TAFA1: variants seen among roughly 807,000 people sequenced by gnomAD.
The protein encoded by TAFA1 is chemokine-like protein TAFA-1.
In TAFA1, 4 loss-of-function variants were observed where a neutral mutation model predicts 18.5. The ratio of observed to expected loss-of-function variants is 0.22; its 90% CI spans 0.11 to 0.49. The LOEUF is 0.49. Ranked by LOEUF, TAFA1 falls within the 20% of genes least tolerant of loss-of-function variation. The pLI is 0.98. For synonymous variants in TAFA1, 56 were observed against 55.2 expected (o/e 1.01, Z -0.06); for missense variants, 147 against 169.0 (o/e 0.87, Z 0.72).
intron 2 of TAFA1, among the ~76,000 whole-genome samples, chr3:68,297,205 T>C (rs551801968): frequency 4.9e-4 from 75 of 152,322 alleles, no homozygotes; most frequent in African/African-American, 1.8e-3. Flanking sequence ...CTGTCACCAA[T>C]GGTGATCTTT....
intron 2 of TAFA1, among the ~76,000 whole-genome samples, chr3:68,119,012 TTTTCC>T (rs2065355911): frequency 2.6e-5 from 4 of 152,084 alleles, no homozygotes; most frequent in Non-Finnish European, 5.9e-5. Context: ...ATGACACAAT[TTTTCC>T]ACATCCTTGC....
chr3:68,141,258 G>A (rs114741187), intron 2 of TAFA1, among the ~76,000 whole-genome samples: 1,807 of 152,230 alleles, frequency 0.012, 39 homozygotes, highest in African/African-American at 0.042. Context: ...TGGCCCCTAT[G>A]TCTAAGGTGG....
intron 2 of TAFA1, among the ~76,000 whole-genome samples, chr3:68,295,613 A>T (rs2068193054): frequency 6.6e-6 from 1 of 151,634 alleles, no homozygotes; most frequent in Non-Finnish European, 1.5e-5. Flanking sequence ...GTTTTGTTTT[A>T]TTTTCTTTTT....
chr3:68,340,064 ATAAAT>A (rs1388434467), intron 2 of TAFA1, among the ~76,000 whole-genome samples: 1 of 152,216 alleles, frequency 6.6e-6, no homozygotes, highest in Non-Finnish European at 1.5e-5. Context: ...CATCAAAACA[ATAAAT>A]TAAGCTTAAG....
chr3:68,340,943 G>A (rs974085687), intron 2 of TAFA1, among the ~76,000 whole-genome samples: 2 of 152,202 alleles, frequency 1.3e-5, no homozygotes, highest in Non-Finnish European at 2.9e-5. Flanking sequence ...CAGTGGAGAC[G>A]TTGAGAGTAA....
chr3:68,481,256 T>C (rs759888053), intron 3 of TAFA1, among the ~76,000 whole-genome samples: 2 of 152,226 alleles, frequency 1.3e-5, no homozygotes, highest in African/African-American at 2.4e-5. Flanking sequence ...TTGACTGTTA[T>C]CTGACTTCTG....
intron 1 of TAFA1, among the ~76,000 whole-genome samples, 151 bp downstream of exon 1, chr3:68,004,853 G>C (rs1704330342): frequency 6.6e-6 from 1 of 152,066 alleles, no homozygotes; most frequent in Non-Finnish European, 1.5e-5. Context: ...CAAGCAGTGA[G>C]AGTGACATGC....
At chr3:68,473,188 T>A (rs969165144) in intron 3 of TAFA1, among the ~76,000 whole-genome samples, 5 of 152,136 alleles carry the variant, frequency 3.3e-5, no homozygotes, top group Admixed American at 3.3e-4. Context: ...AACCAGAGAA[T>A]AATGGCATGT....
intron 2 of TAFA1, among the ~76,000 whole-genome samples, chr3:68,222,297 G>A (rs1359733685): frequency 2.0e-5 from 3 of 152,136 alleles, no homozygotes; most frequent in African/African-American, 7.2e-5. Context: ...ATGCCAGACA[G>A]GAAAGCACTA....
chr3:68,448,303 T>C (rs1005296242), intron 3 of TAFA1, among the ~76,000 whole-genome samples: 5 of 152,178 alleles, frequency 3.3e-5, no homozygotes. Context: ...TGAAATCTGA[T>C]TTTCAAAATA....
intron 2 of TAFA1, among the ~76,000 whole-genome samples, chr3:68,223,962 C>T (rs771037112): frequency 2.0e-5 from 3 of 150,112 alleles, no homozygotes; most frequent in Admixed American, 6.7e-5. Flanking sequence ...AACCTTAATC[C>T]AGATTTTTTG....
intron 4 of TAFA1, 85 bp downstream of exon 4, chr3:68,538,965 C>T (rs1015140980): frequency 1.4e-6 from 2 of 1,416,544 alleles, no homozygotes; most frequent in Non-Finnish European, 1.9e-6. Flanking sequence ...TCCACAGAAG[C>T]TTTGCACAGG....
chr3:68,277,222 T>C (rs2067814180), intron 2 of TAFA1, among the ~76,000 whole-genome samples: 1 of 152,198 alleles, frequency 6.6e-6, no homozygotes, highest in Non-Finnish European at 1.5e-5. Flanking sequence ...AGTTCAGTAA[T>C]GCTTTGGCTG....
intron 3 of TAFA1, among the ~76,000 whole-genome samples, chr3:68,481,042 C>T (rs2072228176): frequency 6.6e-6 from 1 of 152,164 alleles, no homozygotes; most frequent in African/African-American, 2.4e-5. Flanking sequence ...GCCTTCCCAG[C>T]CATGTGGAAC....
intron 3 of TAFA1, among the ~76,000 whole-genome samples, chr3:68,500,943 A>G (rs1190525055): frequency 6.6e-6 from 1 of 151,896 alleles, no homozygotes; most frequent in African/African-American, 2.4e-5. Flanking sequence ...AGGTGAGTAA[A>G]TCACTTGAGA....
At chr3:68,253,247 C>T (rs1491727) in intron 2 of TAFA1, among the ~76,000 whole-genome samples, 13,610 of 152,202 alleles carry the variant, frequency 0.089, 917 homozygotes, top group Admixed American at 0.25. Context: ...TTTGAGGTTG[C>T]TGTTTATAAT....
At chr3:68,386,180 T>C (rs569916079) in intron 2 of TAFA1, among the ~76,000 whole-genome samples, 1 of 152,248 alleles carries the variant, frequency 6.6e-6, no homozygotes, top group East Asian at 1.9e-4. Flanking sequence ...TAACACACGA[T>C]AGATACTGTT....
chr3:68,470,997 G>A (rs1210312623), intron 3 of TAFA1, among the ~76,000 whole-genome samples: 1 of 152,166 alleles, frequency 6.6e-6, no homozygotes, highest in Non-Finnish European at 1.5e-5. Flanking sequence ...CCCCATCTGT[G>A]TGCCACCTCA....
At chr3:68,031,421 T>C (rs1704932766) in intron 2 of TAFA1, among the ~76,000 whole-genome samples, 1 of 152,148 alleles carries the variant, frequency 6.6e-6, no homozygotes, top group Non-Finnish European at 1.5e-5. Flanking sequence ...GGATACTTTA[T>C]CACAAAGCAC....
Sources: allele counts gnomAD v4.1 joint callset (sites outside exome capture counted in the v4.1 genomes callset), GRCh38; gene constraint gnomAD v4.1.1; transcripts MANE v1.5; gene names NCBI Gene and HGNC (gene_info 2026-07-23, HGNC 2026-07-21).